SLC28A1: variants seen among roughly 807,000 people sequenced by gnomAD.
The protein encoded by SLC28A1 is solute carrier family 28 member 1.
SLC28A1 carries 64 observed loss-of-function variants against 74.8 expected under a neutral mutation model. The ratio of observed to expected loss-of-function variants is 0.86; its 90% CI spans 0.70 to 1.05. SLC28A1 has a LOEUF of 1.05. SLC28A1 is among the 50% of genes least tolerant of loss of function. The probability of loss-of-function intolerance (pLI) is 0.00; values close to 1 mark genes in which losing one functional copy is unlikely to be tolerated. For synonymous variants in SLC28A1, 359 were observed against 335.0 expected (o/e 1.07, Z -0.78); for missense variants, 828 against 822.8 (o/e 1.01, Z -0.08).
At chr15:84,949,607 C>T (rs541846295), downstream of SLC28A1, among the ~76,000 whole-genome samples, 3 of 141,122 alleles carry the variant, frequency 2.1e-5, no homozygotes, top group African/African-American at 5.3e-5. Context: ...CGGGGACTCT[C>T]TCTATGTTGC....
chr15:84,898,190 T>C (rs1050938021), intron 6 of SLC28A1, among the ~76,000 whole-genome samples: 7 of 152,156 alleles, frequency 4.6e-5, no homozygotes, highest in African/African-American at 9.7e-5. Flanking sequence ...TAGTCCTATT[T>C]TTAGTTTTGT....
chr15:84,904,518 T>C (rs558917764), intron 7 of SLC28A1, among the ~76,000 whole-genome samples: 1 of 152,314 alleles, frequency 6.6e-6, no homozygotes, highest in East Asian at 1.9e-4. Context: ...TTCAGGTCTG[T>C]AGGCTCAGGA....
intron 12 of SLC28A1, among the ~76,000 whole-genome samples, chr15:84,928,603 T>TCTCTC (rs1567172706): frequency 3.7e-4 from 4 of 10,902 alleles, no homozygotes; most frequent in Admixed American, 2.8e-3. Context: ...TCTTTCTTTC[T>TCTCTC]TTTCTTTCTT....
At chr15:84,936,670 A>G (rs1170089598) in intron 15 of SLC28A1, among the ~76,000 whole-genome samples, 5 of 152,238 alleles carry the variant, frequency 3.3e-5, no homozygotes, top group Admixed American at 3.3e-4. Flanking sequence ...AAAGAATAGT[A>G]ACATTATTGA....
chr15:84,934,811 T>C (rs1424030618), intron 13 of SLC28A1, among the ~76,000 whole-genome samples: 1 of 152,226 alleles, frequency 6.6e-6, no homozygotes, highest in Non-Finnish European at 1.5e-5. Context: ...CTGTCATGTG[T>C]GGCTGATGGC....
At chr15:84,975,012 G>T in the SLC28A1 span, among the ~76,000 whole-genome samples, 1 of 152,124 alleles carries the variant, frequency 6.6e-6, no homozygotes, top group African/African-American at 2.4e-5. Flanking sequence ...GACACCCCCA[G>T]ATATAACAGG....
the SLC28A1 span, among the ~76,000 whole-genome samples, chr15:84,973,956 C>T: frequency 6.6e-6 from 1 of 152,172 alleles, no homozygotes; most frequent in African/African-American, 2.4e-5. Flanking sequence ...TGGGGACGCT[C>T]ACACAGGACA....
At chr15:84,910,633 C>G (rs1057074082) in intron 9 of SLC28A1, among the ~76,000 whole-genome samples, 5 of 152,154 alleles carry the variant, frequency 3.3e-5, no homozygotes, top group African/African-American at 1.2e-4. Context: ...GAGGCTGAGG[C>G]AGGAGAATCG....
At chr15:84,899,347 A>G (rs1042821382) in intron 6 of SLC28A1, among the ~76,000 whole-genome samples, 1 of 152,074 alleles carries the variant, frequency 6.6e-6, no homozygotes, top group Non-Finnish European at 1.5e-5. Flanking sequence ...GGGCAGAAAA[A>G]AAATATTTGA....
intron 5 of SLC28A1, among the ~76,000 whole-genome samples, chr15:84,893,487 T>A (rs1374484602): frequency 6.6e-6 from 1 of 152,218 alleles, no homozygotes; most frequent in Admixed American, 6.5e-5. Flanking sequence ...ATCTTCTCCC[T>A]CAATGTTATC....
chr15:84,952,874 T>A, the SLC28A1 span, among the ~76,000 whole-genome samples: 57 of 152,152 alleles, frequency 3.7e-4, no homozygotes, highest in East Asian at 4.4e-3. Context: ...ATAAAAAAAA[T>A]TTTTAATAAT....
intron 12 of SLC28A1, among the ~76,000 whole-genome samples, chr15:84,932,215 A>T (rs1971388571): frequency 6.6e-6 from 1 of 152,036 alleles, no homozygotes; most frequent in Non-Finnish European, 1.5e-5. Context: ...ATCATTTTCA[A>T]TGACAGCCTG....
chr15:84,930,846 T>C (rs975914536), intron 12 of SLC28A1, among the ~76,000 whole-genome samples: 47 of 151,954 alleles, frequency 3.1e-4, no homozygotes, highest in African/African-American at 1.1e-3. Context: ...CTCGGCTCAT[T>C]GCAACCTCCG....
the SLC28A1 span, among the ~76,000 whole-genome samples, chr15:84,956,531 C>T: frequency 6.9e-6 from 1 of 144,782 alleles, no homozygotes; most frequent in East Asian, 2.0e-4. Flanking sequence ...CTCACTTTGT[C>T]ACCCAGGCTG....
chr15:84,928,028 A>T (rs1263476868), intron 12 of SLC28A1, among the ~76,000 whole-genome samples: 1 of 152,180 alleles, frequency 6.6e-6, no homozygotes, highest in Non-Finnish European at 1.5e-5. Context: ...ATTACTTAGA[A>T]CTTAAACACT....
intron 5 of SLC28A1, among the ~76,000 whole-genome samples, chr15:84,894,604 G>A (rs546674115): frequency 2.0e-5 from 3 of 152,294 alleles, no homozygotes; most frequent in African/African-American, 7.2e-5. Context: ...GTGGGGCCTA[G>A]CATGGCGCTG....
At chr15:84,921,904 G>T (rs1253616538) in intron 11 of SLC28A1, among the ~76,000 whole-genome samples, 1 of 152,214 alleles carries the variant, frequency 6.6e-6, no homozygotes, top group Non-Finnish European at 1.5e-5. Context: ...TATTCTATAT[G>T]AAAGGCTGCA....
chr15:84,945,277 C>A lies in SLC28A1; in HGVS notation c.*77C>A. On this transcript the variant is annotated 3_prime_UTR_variant, in exon 19 of 19. Coordinates refer to ENST00000394573, the MANE Select transcript of SLC28A1 (RefSeq NM_004213.5). ...AACCATCTGTCCCCACCTTCCCTTT[C>A]CCAGAGCCCTCTTCAGGGAAGCCAC... The A allele has an allele frequency of 7.3e-7, 1 of 1,378,248 alleles. No homozygotes were observed. Among genetic ancestry groups the A allele is most frequent in the Non-Finnish European group, 1.0e-6 (1 of 969,238 alleles). The allele number at this position is 1,378,248 out of a possible 1,614,324, so 85.4% of individuals were successfully genotyped here.
At chr15:84,965,911 G>GC in the SLC28A1 span, among the ~76,000 whole-genome samples, 76 of 145,828 alleles carry the variant, frequency 5.2e-4, no homozygotes, top group African/African-American at 1.7e-3. Context: ...GGAGGGGGGG[G>GC]AAATATTAGG....
Sources: allele counts gnomAD v4.1 joint callset (sites outside exome capture counted in the v4.1 genomes callset), GRCh38; gene constraint gnomAD v4.1.1; transcripts MANE v1.5; gene names NCBI Gene and HGNC (gene_info 2026-07-23, HGNC 2026-07-21).